Variants in MSH4 observed in about 807,000 individuals in gnomAD.
The protein encoded by MSH4 is mutS homolog 4, also known as mutS protein homolog 4.
In MSH4, 106 loss-of-function variants were observed where a neutral mutation model predicts 113.7. The observed-to-expected ratio is 0.93, with a 90% CI of 0.80 to 1.10. The LOEUF (loss-of-function observed/expected upper bound fraction) is 1.10. Ranked by LOEUF, MSH4 falls within the 50% of genes least tolerant of loss-of-function variation. The pLI is 0.00. For missense variants in MSH4, 1,061 were observed against 1,093.7 expected (o/e 0.97, Z 0.42); for synonymous variants, 368 against 380.2 (o/e 0.97, Z 0.37).
chr1:75,847,910 A>G (rs1651108412), intron 7 of MSH4, among the ~76,000 whole-genome samples: 1 of 152,170 alleles, frequency 6.6e-6, no homozygotes, highest in Non-Finnish European at 1.5e-5. Flanking sequence ...TTTATCTCCC[A>G]ACATCGCCAC....
chr1:75,848,113 T>A lies in MSH4; in HGVS notation c.1163-96T>A, dbSNP rs374564398. 6.0e-5 allele frequency: 44 copies of A among 732,048 alleles called. No homozygotes were observed. The East Asian group carries it at 1.0e-3, about 17-fold the overall frequency. The allele number at this position is 732,048 out of a possible 1,614,324, so 45.3% of individuals were successfully genotyped here. On this transcript the variant is annotated intron_variant, in intron 7 of 19. Coordinates refer to ENST00000263187, the MANE Select transcript of MSH4 (RefSeq NM_002440.4). ...AAAAAGTAATATTTGTAGGTAGAAC[T>A]GTTCTATTTTATTCTTTGAGGATAA... is the stretch of plus-strand genomic sequence containing the variant.
At chr1:75,867,414 TA>T in intron 8 of MSH4, 99 bp from the exon 9 acceptor site, 1 of 700,646 alleles carries the variant, frequency 1.4e-6, no homozygotes, top group African/African-American at 2.2e-5. Context: ...TATATAAAAA[TA>T]TATGGGATAT....
chr1:75,831,794 A>C (rs1367161745), intron 7 of MSH4, among the ~76,000 whole-genome samples: 3 of 152,230 alleles, frequency 2.0e-5, no homozygotes, highest in Non-Finnish European at 4.4e-5. Flanking sequence ...CAGTGTGTAG[A>C]GGGAAGTTTA....
At position 75,822,438 on chromosome 1, in the gene MSH4, A is replaced by G; in HGVS notation, c.1019A>G (p.Asn340Ser). 1 of 1,571,012 alleles carries G rather than the reference A, an allele frequency of 6.4e-7. No individual in the cohort carries two copies. Among genetic ancestry groups the G allele is most frequent in the Non-Finnish European group, 8.6e-7 (1 of 1,164,778 alleles). The change falls in exon 7 of 20, where the codon AAT becomes AGT. Residue 340 changes from asparagine (N) to serine (S), a missense_variant. Coordinates refer to ENST00000263187, the MANE Select transcript of MSH4 (RefSeq NM_002440.4). The stretch of plus-strand genomic sequence containing the variant: ...AATCACACTCTCTTTGGTGTTCTAA[A>G]TTATACTAAGACTCCTGGAGGGAGT... ...RNNHTLFGVL[N>S]YTKTPGGSRR...
chr1:75,874,184 GC>G (rs1306596041), intron 9 of MSH4, among the ~76,000 whole-genome samples: 1 of 152,052 alleles, frequency 6.6e-6, no homozygotes, highest in Non-Finnish European at 1.5e-5. Flanking sequence ...GTGATATTGA[GC>G]TTTTTTTTCA....
chr1:75,856,962 T>G (rs1651332360), intron 8 of MSH4, among the ~76,000 whole-genome samples: 1 of 152,200 alleles, frequency 6.6e-6, no homozygotes. Context: ...GTTTCCTGAC[T>G]TTTTAATGAT....
chr1:75,840,154 C>T (rs1650920696), intron 7 of MSH4, among the ~76,000 whole-genome samples: 2 of 151,536 alleles, frequency 1.3e-5, no homozygotes, highest in Non-Finnish European at 2.9e-5. Context: ...TTTGACCCAG[C>T]CATCCCATTA....
rs1039230514 is a variant in MSH4, at chr1:75,799,400, G to A, written c.244+2171G>A. Among the ~76,000 whole-genome samples the A allele has an allele frequency of 4.6e-5, 7 of 152,182 alleles. No individual in the cohort carries two copies. The South Asian group carries it at 8.3e-4, about 18-fold the overall frequency. On this transcript the variant is annotated intron_variant, in intron 1 of 19. Transcript: ENST00000263187. ...CTCAATGAACTTAAGGTTCAGTAGAGAAGACAGACTTAAAAATCAACAAAT... is the reference window on the plus strand; with the variant it reads ...CTCAATGAACTTAAGGTTCAGTAGAAAAGACAGACTTAAAAATCAACAAAT...
intron 2 of MSH4, among the ~76,000 whole-genome samples, chr1:75,804,231 G>GT (rs1650006153): frequency 6.6e-6 from 1 of 151,926 alleles, no homozygotes; most frequent in Non-Finnish European, 1.5e-5. Flanking sequence ...CTAGTGAGTG[G>GT]TTTTTTTATA....
intron 1 of MSH4, among the ~76,000 whole-genome samples, chr1:75,802,072 GGTA>G (rs968598794): frequency 1.4e-4 from 21 of 151,640 alleles, no homozygotes; most frequent in Non-Finnish European, 2.7e-4. Context: ...GGGAGGGTGA[GGTA>G]GGAGGATTGC....
intron 7 of MSH4, among the ~76,000 whole-genome samples, chr1:75,833,211 A>C (rs1420482069): frequency 6.6e-6 from 1 of 152,188 alleles, no homozygotes; most frequent in Non-Finnish European, 1.5e-5. Flanking sequence ...TAAAATACCT[A>C]GGAATCCAAC....
rs779243482 is a variant in MSH4, at chr1:75,881,325, G to A, written c.1861G>A (p.Asp621Asn). 6 of 1,611,884 alleles carry A rather than the reference G, an allele frequency of 3.7e-6. No homozygotes were observed. In the South Asian group the frequency reaches 5.5e-5, roughly 15 times the overall value. Residue 621 changes from aspartate (D) to asparagine (N), a missense_variant, in exon 14 of 20, where the codon GAT becomes AAT. Coordinates refer to ENST00000263187, the MANE Select transcript of MSH4 (RefSeq NM_002440.4). ...YKLSDTVSML[D>N]MLLSFAHACT... Reference sequence around the variant, plus strand: ...ACTATCTGACACTGTGTCAATGCTGGATATGCTACTGTCATTTGCTCATGC... The same window carrying A: ...ACTATCTGACACTGTGTCAATGCTGAATATGCTACTGTCATTTGCTCATGC...
At chr1:75,909,848 C>T (rs1039945595) in intron 19 of MSH4, among the ~76,000 whole-genome samples, 16 of 152,006 alleles carry the variant, frequency 1.1e-4, no homozygotes, top group Non-Finnish European at 1.9e-4. Context: ...TCTTGAACCT[C>T]CCCTCCTTCA....
chr1:75,902,709 A>AGTTTTTT (rs1652534598), intron 19 of MSH4, among the ~76,000 whole-genome samples: 1 of 35,344 alleles, frequency 2.8e-5, no homozygotes, highest in Non-Finnish European at 5.5e-5. Flanking sequence ...ATATATATAT[A>AGTTTTTT]TATATATATA....
chr1:75,894,607 G>A (rs1286161925), intron 17 of MSH4, among the ~76,000 whole-genome samples: 2 of 152,164 alleles, frequency 1.3e-5, no homozygotes, highest in East Asian at 3.9e-4. Flanking sequence ...TTCTGTATGT[G>A]TAATGTTTCT....
At chr1:75,876,290 A>G (rs1005871983) in intron 9 of MSH4, among the ~76,000 whole-genome samples, 2 of 152,128 alleles carry the variant, frequency 1.3e-5, no homozygotes, top group Non-Finnish European at 2.9e-5. Context: ...TTTGGACAAT[A>G]GTAGATTTAA....
intron 19 of MSH4, among the ~76,000 whole-genome samples, chr1:75,907,230 A>G (rs1571003658): frequency 6.6e-6 from 1 of 152,142 alleles, no homozygotes; most frequent in Middle Eastern, 3.4e-3. Flanking sequence ...TTGTCTAGAA[A>G]AGACTTTTTC....
chr1:75,880,399 T>G (rs1232759232), intron 13 of MSH4, among the ~76,000 whole-genome samples: 1 of 152,110 alleles, frequency 6.6e-6, no homozygotes, highest in African/African-American at 2.4e-5. Flanking sequence ...GATGTAGAAC[T>G]TGGCACATCA....
In MSH4 at chr1:75,825,615, C is replaced by T. The variant is rs1165035075; in HGVS notation, c.1162+3034C>T. Among the ~76,000 whole-genome samples, 3 of 151,958 alleles carry T rather than the reference C, an allele frequency of 2.0e-5. No individual in the cohort carries two copies. In the East Asian group the frequency reaches 5.8e-4, roughly 29 times the overall value. On this transcript the variant is annotated intron_variant, in intron 7 of 19. Transcript: ENST00000263187. ...GGCTGTGGGTTTGTCATAAATAGCT[C>T]TTACTATTTTGAGATATGTTCCATC...
Sources: allele counts gnomAD v4.1 joint callset (sites outside exome capture counted in the v4.1 genomes callset), GRCh38; gene constraint gnomAD v4.1.1; transcripts MANE v1.5; gene names NCBI Gene and HGNC (gene_info 2026-07-23, HGNC 2026-07-21).